PPP1R13B: variants seen among roughly 807,000 people sequenced by gnomAD.
PPP1R13B encodes the protein protein phosphatase 1 regulatory subunit 13B.
Under a neutral mutation model 119.8 loss-of-function variants are expected in PPP1R13B, and 44 were observed. The observed-to-expected ratio is 0.37, with a 90% CI of 0.29 to 0.47. The LOEUF (loss-of-function observed/expected upper bound fraction) is 0.47. Ranked by LOEUF, PPP1R13B falls within the 20% of genes least tolerant of loss-of-function variation. The pLI, the probability that PPP1R13B is intolerant of heterozygous loss-of-function variation, is 0.99. For missense variants in PPP1R13B, 1,227 were observed against 1,413.5 expected, an observed-to-expected ratio of 0.87 and a Z score of 2.12; for synonymous variants, 542 against 561.5, an observed-to-expected ratio of 0.97 and a Z score of 0.49.
At chr14:103,822,971 G>C (rs1481756938) in intron 1 of PPP1R13B, among the ~76,000 whole-genome samples, 1 of 152,142 alleles carries the variant, frequency 6.6e-6, no homozygotes, top group Non-Finnish European at 1.5e-5. Flanking sequence ...CTGGGGATCA[G>C]AATCTAAACC....
At chr14:103,820,652 ATTTTTTTTTTTTTT>A (rs35928276) in intron 1 of PPP1R13B, among the ~76,000 whole-genome samples, 1 of 102,590 alleles carries the variant, frequency 9.7e-6, no homozygotes, top group African/African-American at 4.2e-5. Flanking sequence ...CATGCCCAGG[ATTTTTTTTTTTTTT>A]TTTTTTTTTG....
intron 1 of PPP1R13B, 114 bp downstream of exon 1, chr14:103,847,185 C>A (rs2152093870): frequency 9.8e-7 from 1 of 1,017,810 alleles, no homozygotes; most frequent in Non-Finnish European, 1.2e-6. Context: ...CACTTCCTTC[C>A]CCGCCCGCCC....
intron 1 of PPP1R13B, among the ~76,000 whole-genome samples, chr14:103,826,951 G>T (rs2086559547): frequency 6.6e-6 from 1 of 151,928 alleles, no homozygotes. Context: ...GGCAGAGCTT[G>T]CAGTGAGCGG....
intron 1 of PPP1R13B, among the ~76,000 whole-genome samples, chr14:103,810,359 T>C (rs1356186468): frequency 2.6e-5 from 4 of 151,920 alleles, no homozygotes; most frequent in Non-Finnish European, 5.9e-5. Context: ...GAGGCAGAGG[T>C]TGCAGTGAGC....
At chr14:103,752,729 T>C (rs2084581735) in intron 7 of PPP1R13B, among the ~76,000 whole-genome samples, 1 of 151,916 alleles carries the variant, frequency 6.6e-6, no homozygotes. Flanking sequence ...GAGACGGGGT[T>C]TCACCATATT....
At chr14:103,843,897 G>C (rs2086965626) in intron 1 of PPP1R13B, among the ~76,000 whole-genome samples, 1 of 150,994 alleles carries the variant, frequency 6.6e-6, no homozygotes, top group Non-Finnish European at 1.5e-5. Context: ...AGGTTGCAGT[G>C]AGCCGAGGTC....
At chr14:103,762,571 A>G (rs894873875) in intron 4 of PPP1R13B, among the ~76,000 whole-genome samples, 1 of 150,862 alleles carries the variant, frequency 6.6e-6, no homozygotes, top group Non-Finnish European at 1.5e-5. Flanking sequence ...CATGTTGTGC[A>G]CATGTACCCT....
chr14:103,774,257 G>A (rs1387711599), intron 4 of PPP1R13B, among the ~76,000 whole-genome samples: 2 of 152,126 alleles, frequency 1.3e-5, no homozygotes, highest in Non-Finnish European at 1.5e-5. Context: ...CTAGAATAAA[G>A]CAAAAACTGA....
chr14:103,839,924 C>T (rs2086864765), intron 1 of PPP1R13B, among the ~76,000 whole-genome samples: 1 of 152,204 alleles, frequency 6.6e-6, no homozygotes. Context: ...ATCAATAATG[C>T]CACTAACAAG....
In PPP1R13B at chr14:103,738,306, G is replaced by T; in HGVS notation, c.2864+373C>A. 1 of 301,046 alleles carries T rather than the reference G, an allele frequency of 3.3e-6. No individual in the cohort carries two copies. The highest frequency in any genetic ancestry group is 6.2e-6 in the Non-Finnish European group (1 of 160,490). 18.6% of individuals were successfully genotyped at this position (301,046 alleles called of 1,614,324 possible). The stretch of plus-strand genomic sequence containing the variant: ...CCCGAAGGCAAACGGAATGAACAAT[G>T]CGACAACCTACATGCCTGACCCAGG... On this transcript the variant is annotated intron_variant, in intron 14 of 16. Coordinates refer to ENST00000202556, the MANE Select transcript of PPP1R13B (RefSeq NM_015316.3). This position sits in a 1 kb window ranked among gnomAD's most constrained non-coding sequence, Gnocchi z 5.6.
At chr14:103,750,199 T>TG (rs5811117) in intron 7 of PPP1R13B, among the ~76,000 whole-genome samples, 67,720 of 151,892 alleles carry the variant, frequency 0.45, 15,601 homozygotes, top group African/African-American at 0.56. Context: ...TACAGGAGAC[T>TG]AGTGCGGTGT....
chr14:103,807,527 C>T (rs1374086622), intron 1 of PPP1R13B, among the ~76,000 whole-genome samples: 4 of 152,128 alleles, frequency 2.6e-5, no homozygotes, highest in Middle Eastern at 3.2e-3. Context: ...CAGAGTATCA[C>T]GCTGTTGCCC....
intron 2 of PPP1R13B, among the ~76,000 whole-genome samples, chr14:103,786,255 T>C (rs2085459586): frequency 6.6e-6 from 1 of 151,744 alleles, no homozygotes; most frequent in Non-Finnish European, 1.5e-5. Flanking sequence ...TTGCCTGGGC[T>C]AGTACTGAAC....
At chr14:103,822,745 A>G (rs938745629) in intron 1 of PPP1R13B, among the ~76,000 whole-genome samples, 1 of 151,938 alleles carries the variant, frequency 6.6e-6, no homozygotes, top group Non-Finnish European at 1.5e-5. Flanking sequence ...CCTGGGAGGC[A>G]GAGGTTGCAG....
intron 4 of PPP1R13B, among the ~76,000 whole-genome samples, chr14:103,773,006 T>C (rs1343532347): frequency 6.6e-6 from 1 of 152,200 alleles, no homozygotes; most frequent in African/African-American, 2.4e-5. Flanking sequence ...TTCTTATTAT[T>C]AAGCTTTGGG....
chr14:103,787,811 C>G (rs1243178259), intron 2 of PPP1R13B, among the ~76,000 whole-genome samples: 1 of 151,942 alleles, frequency 6.6e-6, no homozygotes. Context: ...GCACCACCTA[C>G]GCCCGGCTAA....
chr14:103,756,198 A>C (rs773329222), intron 5 of PPP1R13B, among the ~76,000 whole-genome samples: 3 of 151,720 alleles, frequency 2.0e-5, no homozygotes, highest in Non-Finnish European at 4.4e-5. Flanking sequence ...GCTTCAAGAG[A>C]TTCTCCTGCT....
chr14:103,847,227 C>T (rs2152093978), intron 1 of PPP1R13B, 72 bp downstream of exon 1: 1 of 1,094,802 alleles, frequency 9.1e-7, no homozygotes, highest in Non-Finnish European at 1.1e-6. Flanking sequence ...GGCTGGGAGC[C>T]GCGGGAGGAA....
At chr14:103,790,438 G>T (rs967789371) in intron 2 of PPP1R13B, among the ~76,000 whole-genome samples, 1 of 152,048 alleles carries the variant, frequency 6.6e-6, no homozygotes, top group African/African-American at 2.4e-5. Context: ...TTTGAGAAGC[G>T]ATTAGGTCAT....
Sources: allele counts gnomAD v4.1 joint callset (sites outside exome capture counted in the v4.1 genomes callset), GRCh38; gene constraint gnomAD v4.1.1; non-coding constraint Gnocchi (gnomAD v3.1); transcripts MANE v1.5; gene names NCBI Gene and HGNC (gene_info 2026-07-23, HGNC 2026-07-21).